Variants in ANXA8 observed in about 807,000 individuals in gnomAD.
ANXA8 encodes VAC-beta.
Under a neutral mutation model 26.8 loss-of-function variants are expected in ANXA8, and 9 were observed. The ratio of observed to expected loss-of-function variants is 0.34; its 90% CI spans 0.20 to 0.59. ANXA8 has a LOEUF of 0.59. Among genes scored for constraint, ANXA8 ranks in the 20% least tolerant of loss-of-function variants. The probability of loss-of-function intolerance (pLI) is 0.84; values close to 1 mark genes in which losing one functional copy is unlikely to be tolerated. For synonymous variants in ANXA8, 39 were observed against 94.8 expected (o/e 0.41, Z 3.42); for missense variants, 83 against 238.5 (o/e 0.35, Z 4.29).
upstream of ANXA8, among the ~76,000 whole-genome samples, chr10:47,488,540 A>T (rs1346446145): frequency 6.6e-6 from 1 of 151,336 alleles, no homozygotes; most frequent in African/African-American, 2.4e-5. Context: ...AGCCTGAGCT[A>T]AGATGTTTAT....
the ANXA8 span, among the ~76,000 whole-genome samples, chr10:47,597,052 A>G: frequency 1.3e-5 from 2 of 149,412 alleles, no homozygotes; most frequent in Admixed American, 6.6e-5. Flanking sequence ...TCAAAAAGAT[A>G]ATACAATATC....
At chr10:47,504,845 T>TC in the ANXA8 span, among the ~76,000 whole-genome samples, 2 of 125,150 alleles carry the variant, frequency 1.6e-5, no homozygotes, top group East Asian at 3.2e-4. Flanking sequence ...TCATAACTGT[T>TC]CTTTTTTTTT....
At chr10:47,623,587 T>A in the ANXA8 span, among the ~76,000 whole-genome samples, 7 of 111,548 alleles carry the variant, frequency 6.3e-5, 3 homozygotes, top group Non-Finnish European at 1.4e-4. Flanking sequence ...ATTATAGTTT[T>A]ATATTTTTCC....
chr10:47,955,293 A>G, the ANXA8 span, among the ~76,000 whole-genome samples: 2 of 149,228 alleles, frequency 1.3e-5, no homozygotes, highest in Admixed American at 6.6e-5. Context: ...TTTTTTGTAA[A>G]TTGCCCAGTC....
the ANXA8 span, among the ~76,000 whole-genome samples, chr10:47,966,624 G>A: frequency 6.8e-6 from 1 of 148,062 alleles, no homozygotes; most frequent in Non-Finnish European, 1.5e-5. Context: ...GAGCCAAGTG[G>A]GACATGTCCA....
the ANXA8 span, chr10:47,986,545 C>T: frequency 9.2e-6 from 3 of 327,764 alleles, no homozygotes; most frequent in African/African-American, 6.6e-5. Flanking sequence ...TCCTCAGGGA[C>T]CCACATGGGC....
the ANXA8 span, among the ~76,000 whole-genome samples, chr10:47,665,005 G>T: frequency 6.9e-6 from 1 of 144,420 alleles, no homozygotes; most frequent in Non-Finnish European, 1.5e-5. Context: ...GGGATTACAG[G>T]TATGAGCCAC....
chr10:47,648,493 A>G, the ANXA8 span, among the ~76,000 whole-genome samples: 1 of 148,364 alleles, frequency 6.7e-6, no homozygotes, highest in Non-Finnish European at 1.5e-5. Flanking sequence ...CCTCTCTTTC[A>G]CTTCTAGTTC....
chr10:47,492,702 C>A, the ANXA8 span, among the ~76,000 whole-genome samples: 8 of 139,050 alleles, frequency 5.8e-5, no homozygotes, highest in Non-Finnish European at 7.6e-5. Context: ...CTCCACTCAT[C>A]ATTGAGGTGC....
the ANXA8 span, among the ~76,000 whole-genome samples, chr10:47,627,166 A>T: frequency 6.7e-6 from 1 of 149,938 alleles, no homozygotes. Context: ...GTAATCTTCA[A>T]AGGCAAACAG....
chr10:47,481,965 G>A (rs1183576643), intron 1 of ANXA8, among the ~76,000 whole-genome samples: 4 of 143,462 alleles, frequency 2.8e-5, no homozygotes, highest in African/African-American at 5.1e-5. Flanking sequence ...GAGCTGCCAC[G>A]CCTTGGCCTT....
chr10:47,514,191 G>A, the ANXA8 span, among the ~76,000 whole-genome samples: 27 of 145,998 alleles, frequency 1.8e-4, no homozygotes, highest in Non-Finnish European at 2.8e-4. Context: ...CAAAAATATG[G>A]AACCAGCCCA....
chr10:47,487,705 T>C (rs1178724633), upstream of ANXA8, among the ~76,000 whole-genome samples: 151 of 149,348 alleles, frequency 1.0e-3, no homozygotes, highest in African/African-American at 3.4e-3. Flanking sequence ...GGTTGTTATA[T>C]TGGATTATCA....
chr10:47,945,462 C>T, the ANXA8 span, among the ~76,000 whole-genome samples: 5 of 150,856 alleles, frequency 3.3e-5, no homozygotes, highest in Non-Finnish European at 1.5e-5. Context: ...CCCGCTGCTG[C>T]CTCACTAACC....
At chr10:47,612,464 C>A in the ANXA8 span, among the ~76,000 whole-genome samples, 27 of 69,498 alleles carry the variant, frequency 3.9e-4, 10 homozygotes, top group Admixed American at 7.4e-4. Flanking sequence ...TTTCAACAGG[C>A]AGGTTGAAAC....
chr10:47,469,330 C>T (rs1245324398), intron 11 of ANXA8, among the ~76,000 whole-genome samples: 5 of 151,910 alleles, frequency 3.3e-5, no homozygotes, highest in Admixed American at 6.6e-5. Flanking sequence ...GGGGCAGGGC[C>T]GGGGGTGGAG....
At chr10:47,959,852 C>T in the ANXA8 span, among the ~76,000 whole-genome samples, 1 of 151,310 alleles carries the variant, frequency 6.6e-6, no homozygotes, top group Non-Finnish European at 1.5e-5. Flanking sequence ...CTTCTAAGCT[C>T]AGGGCTAAGA....
the ANXA8 span, among the ~76,000 whole-genome samples, chr10:47,544,118 C>T: frequency 6.6e-6 from 1 of 152,040 alleles, no homozygotes; most frequent in South Asian, 2.1e-4. Context: ...GGCAGCATCA[C>T]TGAAAACCGA....
At chr10:47,534,718 G>A in the ANXA8 span, among the ~76,000 whole-genome samples, 2 of 99,850 alleles carry the variant, frequency 2.0e-5, no homozygotes, top group African/African-American at 4.1e-5. Context: ...GCAATGGTGC[G>A]ATCTTGGCTC....
Sources: allele counts gnomAD v4.1 joint callset (sites outside exome capture counted in the v4.1 genomes callset), GRCh38; gene constraint gnomAD v4.1.1; transcripts MANE v1.5; gene names NCBI Gene and HGNC (gene_info 2026-07-23, HGNC 2026-07-21).